KANSL3: variants seen among roughly 807,000 people sequenced by gnomAD.
KANSL3 encodes KAT8 regulatory NSL complex subunit 3, also known as NSL complex protein NSL3.
A neutral mutation model predicts 89.2 loss-of-function variants in KANSL3; 16 were observed. The ratio of observed to expected loss-of-function variants is 0.18; its 90% CI spans 0.12 to 0.27. The LOEUF (loss-of-function observed/expected upper bound fraction) is 0.27, where lower values mean the gene tolerates loss of function less well. Ranked by LOEUF, KANSL3 falls within the 10% of genes least tolerant of loss-of-function variation. KANSL3 has a pLI of 1.00. For missense variants in KANSL3, 879 were observed against 1,110.6 expected, an observed-to-expected ratio of 0.79 and a Z score of 2.96; for synonymous variants, 385 against 419.7, an observed-to-expected ratio of 0.92 and a Z score of 1.01.
intron 2 of KANSL3, among the ~76,000 whole-genome samples, chr2:96,633,858 C>T (rs1364032638): frequency 6.6e-6 from 1 of 152,036 alleles, no homozygotes; most frequent in African/African-American, 2.4e-5. Context: ...GAGCAAGACT[C>T]CGTCTCAAAA....
Position 96,604,790 on chromosome 2 carries a change from G to T in KANSL3, c.2007C>A (p.Leu669=). The T allele has an allele frequency of 6.3e-7, 1 of 1,596,058 alleles. No individual in the cohort carries two copies. Among genetic ancestry groups the T allele is most frequent in the Non-Finnish European group, 8.5e-7 (1 of 1,171,128 alleles). The change falls in exon 16 of 21, where the codon CTC becomes CTA. Residue 669 remains leucine (L), a synonymous_variant. Coordinates refer to ENST00000431828, the MANE Select transcript of KANSL3 (RefSeq NM_001115016.3). ...CAATAAACACTCACTTGGCTGTGGTGAGAAGTCCTGTGAGCTCCTTGGCCC... is the reference window on the plus strand; with the variant it reads ...CAATAAACACTCACTTGGCTGTGGTTAGAAGTCCTGTGAGCTCCTTGGCCC... The part of the protein sequence containing the change: ...SAGAKELTGL[L]TTAKSSSSEG...
Position 96,595,190 on chromosome 2 carries a change from C to G in KANSL3, c.*421G>C, listed in dbSNP as rs775135228. ...TTTAGCAAAGAGCTTTCCATTCTAA[C>G]TCCCGAAATCCCAGACCAGATGGAT... On this transcript the variant is annotated 3_prime_UTR_variant, in exon 21 of 21. Transcript: ENST00000431828. The G allele has an allele frequency of 2.8e-4, 45 of 158,434 alleles. No homozygotes were observed. The highest frequency in any genetic ancestry group is 4.6e-4 in the Non-Finnish European group (33 of 71,828). The allele number at this position is 158,434 out of a possible 1,614,324, so 9.8% of individuals were successfully genotyped here.
the KANSL3 span, among the ~76,000 whole-genome samples, chr2:96,584,919 A>G: frequency 6.6e-6 from 1 of 152,152 alleles, no homozygotes; most frequent in East Asian, 1.9e-4. Context: ...CTTAAATTCC[A>G]TGTTCTGTCC....
chr2:96,604,200 C>G lies in KANSL3; in HGVS notation c.2149+50G>C, dbSNP rs779116128. On this transcript the variant is annotated intron_variant, in intron 17 of 20. Transcript: ENST00000431828. ...CTTTCCCAGGACCACCCAGAAGCAG[C>G]AGACCAAAAATTCTGTGTTGGAAGG... is the stretch of plus-strand genomic sequence containing the variant. 11 of 1,542,426 alleles carry G rather than the reference C, an allele frequency of 7.1e-6. No individual in the cohort carries two copies. In the Admixed American group the frequency reaches 1.0e-4, roughly 14 times the overall value.
Position 96,605,384 on chromosome 2 carries a change from G to C in KANSL3, c.1869C>G (p.Ser623=). 6.2e-7 allele frequency: 1 copy of C among 1,613,914 alleles called. No individual in the cohort carries two copies. Among genetic ancestry groups the C allele is most frequent in the Non-Finnish European group, 8.5e-7 (1 of 1,179,874 alleles). Residue 623 remains serine, a synonymous_variant, in exon 15 of 21, where the codon TCC becomes TCG. Transcript: ENST00000431828. ...CAGCTGTGTCCCCTTGGGAGATAAGGGACACCTTGATCTTCGGTCGTTTGG... is the reference window on the plus strand; with the variant it reads ...CAGCTGTGTCCCCTTGGGAGATAAGCGACACCTTGATCTTCGGTCGTTTGG... The part of the protein sequence containing the change: ...KTSKRPKIKV[S]LISQGDTAGG...
At chr2:96,617,157 G>A (rs1411974542) in intron 5 of KANSL3, among the ~76,000 whole-genome samples, 2 of 152,066 alleles carry the variant, frequency 1.3e-5, no homozygotes, top group African/African-American at 2.4e-5. Context: ...CTCACCTCCC[G>A]GGTCCAGGGT....
intron 5 of KANSL3, chr2:96,615,361 A>T (rs959006926): frequency 3.9e-6 from 1 of 256,030 alleles, no homozygotes; most frequent in Non-Finnish European, 7.2e-6. Context: ...TAAATCTGTT[A>T]TTATGTACAA....
intron 20 of KANSL3, chr2:96,601,226 C>G: frequency 1.3e-6 from 1 of 758,190 alleles, no homozygotes; most frequent in Non-Finnish European, 1.6e-6. Flanking sequence ...CGAGATCACA[C>G]CCCTGCACTC....
At chr2:96,626,111 CAAAATAT>C (rs1486083031) in intron 3 of KANSL3, among the ~76,000 whole-genome samples, 4 of 152,056 alleles carry the variant, frequency 2.6e-5, no homozygotes, top group African/African-American at 9.7e-5. Context: ...TCAAAGCAGC[CAAAATAT>C]AACATTGGTC....
At chr2:96,600,032 A>G (rs1431371730) in intron 20 of KANSL3, among the ~76,000 whole-genome samples, 1 of 152,182 alleles carries the variant, frequency 6.6e-6, no homozygotes, top group Non-Finnish European at 1.5e-5. Context: ...ATTATTTAAA[A>G]TATCAAAAAC....
chr2:96,600,998 A>G (rs2067099234), intron 20 of KANSL3: 1 of 642,120 alleles, frequency 1.6e-6, no homozygotes, highest in African/African-American at 2.0e-5. Context: ...CTTAAAAACA[A>G]AGAAAGGGCC....
rs895282958 is a variant in KANSL3 at position 96,631,613 on chromosome 2, G to A, written c.216-131C>T. On this transcript the variant is annotated intron_variant, in intron 2 of 20. Coordinates refer to ENST00000431828, the MANE Select transcript of KANSL3 (RefSeq NM_001115016.3). ...ACGCATAAGCACATTATATTCACAA[G>A]AAAATTTTGATCCAAAGTCATCTTT... The A allele has an allele frequency of 4.5e-6, 5 of 1,101,202 alleles. No individual in the cohort carries two copies. The Admixed American group carries it at 9.9e-5, about 22-fold the overall frequency. The allele number at this position is 1,101,202 out of a possible 1,614,324, so 68.2% of individuals were successfully genotyped here.
chr2:96,604,288 C>T lies in KANSL3; in HGVS notation c.2111G>A (p.Ser704Asn). 6.2e-7 allele frequency: 1 copy of T among 1,612,822 alleles called. No individual in the cohort carries two copies. ...GCCAGGAGATGTGGCCACCAGGCGG[C>T]TCTGCAGTGTGTGCAAGGCACTGGG... Reference protein sequence around the residue: ...TAPSALHTLQSRLVATSPGSS... With the variant: ...TAPSALHTLQNRLVATSPGSS... The change falls in exon 17 of 21, where the codon AGC becomes AAC. Residue 704 changes from serine to asparagine, a missense_variant. Physicochemically the swap from Ser to Asn is conservative, Grantham distance 46. This residue lies in a region of KANSL3 where 317 missense variants were observed against 311.2 expected (regional missense o/e 1.02). Transcript: ENST00000431828.
Position 96,614,018 on chromosome 2 carries a change from G to A in KANSL3, c.664-399C>T, listed in dbSNP as rs550297600. 1.9e-4 allele frequency among the ~76,000 whole-genome samples: 29 copies of A among 152,294 alleles called. 1 individual carries two copies. The highest frequency in any genetic ancestry group is 7.0e-4 in the African/African-American group (29 of 41,564). ...AAAGTAAAAACAATTTAATATATATGTGCATATGTAAGGGAGTAGTTTAGT... is the reference window on the plus strand; with the variant it reads ...AAAGTAAAAACAATTTAATATATATATGCATATGTAAGGGAGTAGTTTAGT... On this transcript the variant is annotated intron_variant, in intron 5 of 20. Coordinates refer to ENST00000431828, the MANE Select transcript of KANSL3 (RefSeq NM_001115016.3).
chr2:96,592,957 C>G (rs576216433), downstream of KANSL3, among the ~76,000 whole-genome samples: 27 of 151,718 alleles, frequency 1.8e-4, no homozygotes, highest in African/African-American at 5.3e-4. Context: ...TAGCCAAGAT[C>G]GCGCCATTGC....
chr2:96,625,644 A>G (rs1262717152), intron 3 of KANSL3, among the ~76,000 whole-genome samples: 1 of 152,226 alleles, frequency 6.6e-6, no homozygotes, highest in East Asian at 1.9e-4. Flanking sequence ...ATTACCATAC[A>G]CCAATGACAG....
chr2:96,583,519 G>A, the KANSL3 span, among the ~76,000 whole-genome samples: 3 of 152,176 alleles, frequency 2.0e-5, no homozygotes, highest in Admixed American at 1.3e-4. Flanking sequence ...GAATCATACC[G>A]TGTAGTCTTT....
intron 20 of KANSL3, chr2:96,598,266 C>T: frequency 3.9e-6 from 1 of 256,114 alleles, no homozygotes; most frequent in Non-Finnish European, 6.1e-6. Flanking sequence ...GGGAAAAGCA[C>T]TTCCCATCTC....
intron 5 of KANSL3, among the ~76,000 whole-genome samples, chr2:96,614,769 CAAAAAAAAGAAAAAA>C (rs2069658550): frequency 1.1e-5 from 1 of 92,846 alleles, no homozygotes; most frequent in African/African-American, 4.2e-5. Flanking sequence ...AGACTCTTCT[CAAAAAAAAGAAAAAA>C]AAAAAAAAGA....
Sources: gnomAD v4.1 joint callset for allele counts (sites outside exome capture counted in the v4.1 genomes callset) on GRCh38, gnomAD v4.1.1 for gene constraint, gnomAD v4.1.1 regional missense constraint, MANE v1.5 for transcripts, NCBI Gene and HGNC (gene_info 2026-07-23, HGNC 2026-07-21) for gene names.